The following NKAIN3 variants were observed in gnomAD, a reference collection of about 807,000 sequenced individuals.
The protein encoded by NKAIN3 is sodium/potassium transporting ATPase interacting 3.
In NKAIN3, 25 loss-of-function variants were observed where a neutral mutation model predicts 30.2. The ratio of observed to expected loss-of-function variants is 0.83; its 90% CI spans 0.60 to 1.16. The LOEUF (loss-of-function observed/expected upper bound fraction) is 1.16. Ranked by LOEUF, NKAIN3 falls within the 50% of genes most tolerant of loss-of-function variation. The pLI, the probability that NKAIN3 is intolerant of heterozygous loss-of-function variation, is 0.00. For missense variants in NKAIN3, 225 were observed against 254.1 expected (o/e 0.89, Z 0.78); for synonymous variants, 91 against 89.6 (o/e 1.02, Z -0.09).
intron 4 of NKAIN3, chr8:62,864,284 C>G (rs1820353095): frequency 8.1e-7 from 1 of 1,234,334 alleles, no homozygotes. Flanking sequence ...AATGCTGAAG[C>G]TGAGGACCAG....
At chr8:62,849,692 A>G (rs1299164453) in intron 4 of NKAIN3, among the ~76,000 whole-genome samples, 2 of 142,046 alleles carry the variant, frequency 1.4e-5, no homozygotes, top group Non-Finnish European at 3.0e-5. Flanking sequence ...CCTATGAGTG[A>G]GAACATGCGG....
At chr8:62,587,787 A>G in intron 2 of NKAIN3, among the ~76,000 whole-genome samples, 1 of 152,062 alleles carries the variant, frequency 6.6e-6, no homozygotes, top group South Asian at 2.1e-4. Flanking sequence ...TCAAAAACGT[A>G]GGAACTGACA....
chr8:62,552,802 C>T (rs1163199807), intron 1 of NKAIN3, among the ~76,000 whole-genome samples: 2 of 152,114 alleles, frequency 1.3e-5, no homozygotes, highest in Non-Finnish European at 2.9e-5. Flanking sequence ...CCCTAATGTG[C>T]AACAACACAA....
intron 6 of NKAIN3, among the ~76,000 whole-genome samples, chr8:62,964,710 C>A (rs1823656209): frequency 1.3e-5 from 2 of 151,984 alleles, no homozygotes; most frequent in South Asian, 4.1e-4. Flanking sequence ...TCTCTTAAGG[C>A]CTTATACCGA....
At chr8:62,802,381 T>A (rs976265531) in intron 4 of NKAIN3, among the ~76,000 whole-genome samples, 1 of 152,176 alleles carries the variant, frequency 6.6e-6, no homozygotes, top group Non-Finnish European at 1.5e-5. Flanking sequence ...AAGGTTGGGT[T>A]ACCCACAAAG....
intron 4 of NKAIN3, among the ~76,000 whole-genome samples, chr8:62,850,887 C>A (rs62510775): frequency 6.6e-6 from 1 of 151,904 alleles, no homozygotes; most frequent in African/African-American, 2.4e-5. Flanking sequence ...AGTCAGGTAG[C>A]GTGATGCCTC....
chr8:62,776,226 C>A (rs183315790), intron 4 of NKAIN3, among the ~76,000 whole-genome samples: 30 of 152,014 alleles, frequency 2.0e-4, no homozygotes, highest in Admixed American at 6.6e-4. Context: ...TTTTCTATAT[C>A]AATTCAGCCA....
At chr8:62,573,958 A>T (rs1810026037) in intron 1 of NKAIN3, among the ~76,000 whole-genome samples, 1 of 152,154 alleles carries the variant, frequency 6.6e-6, no homozygotes, top group Non-Finnish European at 1.5e-5. Context: ...TTGTATTATC[A>T]AATACTAGAC....
chr8:62,499,923 CT>C (rs1288836822), intron 1 of NKAIN3, among the ~76,000 whole-genome samples: 3 of 150,754 alleles, frequency 2.0e-5, no homozygotes, highest in Admixed American at 1.3e-4. Flanking sequence ...ATTATGCTTT[CT>C]TTTTATTATG....
intron 1 of NKAIN3, among the ~76,000 whole-genome samples, chr8:62,272,894 A>T (rs533100365): frequency 2.0e-5 from 3 of 152,224 alleles, no homozygotes; most frequent in African/African-American, 7.2e-5. Flanking sequence ...AGATCTTCAC[A>T]TAAACTGTTG....
At position 62,610,578 on chromosome 8, in the gene NKAIN3, A is replaced by G. The variant is rs115013900; in HGVS notation, c.273+20784A>G. On this transcript the variant is annotated intron_variant, in intron 3 of 6. Transcript: ENST00000623646. The stretch of plus-strand genomic sequence containing the variant: ...TTTTCTTACCAGTAAAAATGCAAAA[A>G]TAATTACATCAGAGAAAACTGATGA... 8.4e-3 allele frequency among the ~76,000 whole-genome samples: 1,282 copies of G among 152,266 alleles called. 18 individuals carry two copies. Among genetic ancestry groups the G allele is most frequent in the African/African-American group, 0.03 (1,246 of 41,548 alleles).
rs1477118728 is a variant in NKAIN3 at position 62,970,962 on chromosome 8, A to G, written c.*5555A>G. Among the ~76,000 whole-genome samples, 1 of 152,342 alleles carries G rather than the reference A, an allele frequency of 6.6e-6. No individual in the cohort carries two copies. Among genetic ancestry groups the G allele is most frequent in the South Asian group, 2.1e-4 (1 of 4,830 alleles). The stretch of plus-strand genomic sequence containing the variant: ...TACAAGTAACAGAAAAAGAAAAATG[A>G]CAATGGATTAAATAACATAGAGGTC... On this transcript the variant is annotated 3_prime_UTR_variant, in exon 7 of 7. Transcript: ENST00000623646.
chr8:62,579,619 A>T lies in NKAIN3; in HGVS notation c.135A>T (p.Ile45=). 1 of 1,609,098 alleles carries T rather than the reference A, an allele frequency of 6.2e-7. No homozygotes were observed. The highest frequency in any genetic ancestry group is 8.5e-7 in the Non-Finnish European group (1 of 1,176,360). The part of the protein sequence containing the change: ...APILGNFLHI[I]VVILGLFGTI... Reference sequence around the variant, plus strand: ...TTCTTGGAAATTTTCTACACATAATAGTTGTCATATTGGGTTTGTTTGGGA... The same window carrying T: ...TTCTTGGAAATTTTCTACACATAATTGTTGTCATATTGGGTTTGTTTGGGA... The change falls in exon 2 of 7, where the codon ATA becomes ATT. Residue 45 remains isoleucine, a synonymous_variant. Coordinates refer to ENST00000623646, the MANE Select transcript of NKAIN3 (RefSeq NM_001304533.3).
At chr8:62,654,301 A>G (rs1812705147) in intron 3 of NKAIN3, among the ~76,000 whole-genome samples, 1 of 152,070 alleles carries the variant, frequency 6.6e-6, no homozygotes, top group East Asian at 1.9e-4. Context: ...AGAAAGGAAA[A>G]GATAAAAAAG....
chr8:62,407,738 A>T (rs376494316), intron 1 of NKAIN3, among the ~76,000 whole-genome samples: 1 of 152,076 alleles, frequency 6.6e-6, no homozygotes, highest in African/African-American at 2.4e-5. Flanking sequence ...GCCTGACTAG[A>T]TAGTTTTCAA....
At chr8:62,940,024 A>C (rs564451320) in intron 5 of NKAIN3, among the ~76,000 whole-genome samples, 3 of 152,254 alleles carry the variant, frequency 2.0e-5, no homozygotes, top group Non-Finnish European at 4.4e-5. Context: ...TTCGCCTAAC[A>C]CATAAGGACT....
chr8:62,289,085 G>T (rs372961526), intron 1 of NKAIN3, among the ~76,000 whole-genome samples: 1 of 151,802 alleles, frequency 6.6e-6, no homozygotes, highest in African/African-American at 2.4e-5. Flanking sequence ...TTTTTGATGG[G>T]GTTGTTTGAT....
chr8:62,853,434 G>A (rs1315711105), intron 4 of NKAIN3, among the ~76,000 whole-genome samples: 7 of 152,014 alleles, frequency 4.6e-5, no homozygotes, highest in African/African-American at 1.7e-4. Flanking sequence ...TCTTTTAATT[G>A]GAGCACTTAG....
At chr8:62,615,875 CT>C (rs1049971455) in intron 3 of NKAIN3, among the ~76,000 whole-genome samples, 1 of 151,952 alleles carries the variant, frequency 6.6e-6, no homozygotes, top group African/African-American at 2.4e-5. Flanking sequence ...TGATTCTAGA[CT>C]TTTTTTTAAT....
Sources: gnomAD v4.1 joint callset for allele counts (sites outside exome capture counted in the v4.1 genomes callset) on GRCh38, gnomAD v4.1.1 for gene constraint, MANE v1.5 for transcripts, NCBI Gene and HGNC (gene_info 2026-07-23, HGNC 2026-07-21) for gene names.